Variants in FOCAD observed in about 807,000 individuals in gnomAD.
The protein encoded by FOCAD is KIAA1797.
In FOCAD, 198 loss-of-function variants were observed where a neutral mutation model predicts 225.6. That is an observed-to-expected ratio of 0.88 (90% CI 0.78 to 0.99). The LOEUF is 0.99. Ranked by LOEUF, FOCAD falls within the 50% of genes least tolerant of loss-of-function variation. FOCAD has a pLI of 0.00. For synonymous variants in FOCAD, 897 were observed against 755.0 expected, an observed-to-expected ratio of 1.19 and a Z score of -3.08; for missense variants, 2,713 against 2,123.6, an observed-to-expected ratio of 1.28 and a Z score of -5.46.
intron 11 of FOCAD, among the ~76,000 whole-genome samples, chr9:20,812,531 ACT>A (rs997523044): frequency 1.3e-5 from 2 of 150,990 alleles, no homozygotes; most frequent in African/African-American, 4.9e-5. Context: ...GAATTTTTGT[ACT>A]CTGTTTTTTA....
intron 11 of FOCAD, among the ~76,000 whole-genome samples, chr9:20,800,092 C>G (rs1418727191): frequency 1.3e-5 from 2 of 152,082 alleles, no homozygotes; most frequent in African/African-American, 4.8e-5. Flanking sequence ...GATTTTATTT[C>G]TCCTTTACTT....
chr9:20,930,166 G>C (rs992550328), intron 27 of FOCAD, among the ~76,000 whole-genome samples: 2 of 137,906 alleles, frequency 1.5e-5, no homozygotes, highest in African/African-American at 5.3e-5. Context: ...TGTTCACTTT[G>C]ATTGCTCATT....
At chr9:20,962,172 A>G (rs538295678) in intron 35 of FOCAD, among the ~76,000 whole-genome samples, 2 of 152,188 alleles carry the variant, frequency 1.3e-5, no homozygotes, top group Admixed American at 6.5e-5. Flanking sequence ...ATTAAGTTAG[A>G]TTACTTATGT....
intron 5 of FOCAD, among the ~76,000 whole-genome samples, chr9:20,743,182 C>A (rs1010021249): frequency 6.6e-6 from 1 of 152,162 alleles, no homozygotes; most frequent in African/African-American, 2.4e-5. Context: ...AGAGAGGCAA[C>A]TGATGAGCTG....
intron 27 of FOCAD, among the ~76,000 whole-genome samples, chr9:20,932,433 A>G (rs1349908978): frequency 6.6e-6 from 1 of 152,130 alleles, no homozygotes; most frequent in African/African-American, 2.4e-5. Flanking sequence ...TTTAAGTTTT[A>G]TTTTACTATG....
chr9:20,825,815 A>T (rs1239800180), intron 15 of FOCAD, among the ~76,000 whole-genome samples: 1 of 152,130 alleles, frequency 6.6e-6, no homozygotes, highest in Non-Finnish European at 1.5e-5. Context: ...ATCAAAGATT[A>T]AAAGAGTGGA....
intron 11 of FOCAD, among the ~76,000 whole-genome samples, chr9:20,817,963 A>C (rs1052101723): frequency 1.3e-5 from 2 of 152,196 alleles, no homozygotes; most frequent in African/African-American, 4.8e-5. Flanking sequence ...AATTGATAGA[A>C]TGTTTTCCAA....
Position 20,976,501 on chromosome 9 carries a change from C to T in FOCAD, c.4214C>T (p.Pro1405Leu), listed in dbSNP as rs759268502. ...ATVGESYQYP[P>L]VNWAALLSPL... Reference sequence around the variant, plus strand: ...GTTGGAGAAAGCTACCAATATCCTCCTGTGAACTGGGCTGCACTTCTCTCT... The same window carrying T: ...GTTGGAGAAAGCTACCAATATCCTCTTGTGAACTGGGCTGCACTTCTCTCT... Residue 1405 changes from proline (P) to leucine (L), a missense_variant, in exon 36 of 44, where the codon CCT (proline) becomes CTT (leucine). By Grantham distance (98) the Pro-to-Leu change is moderately conservative. Coordinates refer to ENST00000338382, the MANE Select transcript of FOCAD (RefSeq NM_001375567.1). 2 of 1,613,256 alleles carry T rather than the reference C, an allele frequency of 1.2e-6. No homozygotes were observed. The highest frequency in any genetic ancestry group is 1.3e-5 in the African/African-American group (1 of 74,888).
At chr9:20,710,229 A>ATTTTTTT (rs749860355) in intron 1 of FOCAD, among the ~76,000 whole-genome samples, 9 of 102,286 alleles carry the variant, frequency 8.8e-5, no homozygotes, top group South Asian at 3.5e-4. Flanking sequence ...AGTAGCTGAG[A>ATTTTTTT]TTTTTTTTTT....
intron 15 of FOCAD, among the ~76,000 whole-genome samples, chr9:20,851,739 A>G (rs933424860): frequency 7.9e-5 from 12 of 151,880 alleles, no homozygotes; most frequent in Non-Finnish European, 1.2e-4. Context: ...TTAAAGAAGC[A>G]TTGGTCTAAT....
At chr9:20,711,166 A>T (rs1327659763) in intron 1 of FOCAD, among the ~76,000 whole-genome samples, 3 of 152,198 alleles carry the variant, frequency 2.0e-5, no homozygotes, top group Non-Finnish European at 4.4e-5. Flanking sequence ...GGCTTAACAG[A>T]GATGTGCTAT....
chr9:20,707,319 TAAC>T (rs1247512414), intron 1 of FOCAD, among the ~76,000 whole-genome samples: 1 of 152,218 alleles, frequency 6.6e-6, no homozygotes, highest in African/African-American at 2.4e-5. Flanking sequence ...GAGAATATAA[TAAC>T]TAAAAATTAC....
chr9:20,828,031 G>T (rs545040055), intron 15 of FOCAD, among the ~76,000 whole-genome samples: 4 of 151,790 alleles, frequency 2.6e-5, no homozygotes, highest in Admixed American at 2.6e-4. Flanking sequence ...AATTAGCTGG[G>T]CATGGTGGCA....
chr9:20,885,243 G>A lies in FOCAD; in HGVS notation c.2625+13G>A. Reference sequence around the variant, plus strand: ...TCTTGTACATGAGGTAGGTTCCCGTGTCCTCTTCTTTATGTTTTAGTGTTT... The same window carrying A: ...TCTTGTACATGAGGTAGGTTCCCGTATCCTCTTCTTTATGTTTTAGTGTTT... On this transcript the variant is annotated intron_variant, in intron 21 of 43. Transcript: ENST00000338382. 2 of 1,452,248 alleles carry A rather than the reference G, an allele frequency of 1.4e-6. No individual in the cohort carries two copies. Among genetic ancestry groups the A allele is most frequent in the Non-Finnish European group, 1.8e-6 (2 of 1,099,304 alleles). The allele number at this position is 1,452,248 out of a possible 1,614,324, so 90.0% of individuals were successfully genotyped here. A position where few individuals can be genotyped will look rare whatever the true frequency, so the allele number is the denominator to read the frequency against.
At chr9:20,773,960 G>C (rs1053819613) in intron 8 of FOCAD, among the ~76,000 whole-genome samples, 1 of 152,222 alleles carries the variant, frequency 6.6e-6, no homozygotes, top group Non-Finnish European at 1.5e-5. Context: ...GAGCAGCCCA[G>C]TGAGCCAGCA....
At chr9:20,749,221 G>A (rs1414394096) in intron 5 of FOCAD, among the ~76,000 whole-genome samples, 1 of 152,104 alleles carries the variant, frequency 6.6e-6, no homozygotes, top group Non-Finnish European at 1.5e-5. Flanking sequence ...GGGGAGAATC[G>A]TTGTAATAGG....
chr9:20,665,442 C>T (rs1367271771), intron 2 of FOCAD, among the ~76,000 whole-genome samples: 1 of 152,062 alleles, frequency 6.6e-6, no homozygotes, highest in African/African-American at 2.4e-5. Flanking sequence ...TTATCTCATT[C>T]TATAATAAAA....
rs539515042 is a variant in FOCAD, at chr9:20,658,466, A to G, written c.-214+7A>G. ...GTAGGACTCTCCAAGCCAGGTGCGG[A>G]ATATAATCTCGTGGTGCGCCGTTTT... On this transcript the variant is annotated splice_region_variant and intron_variant, in intron 1 of 45. Coordinates refer to the FOCAD transcript ENST00000380249. The G allele has an allele frequency of 1.6e-4, 25 of 156,556 alleles. No individual in the cohort carries two copies. In the South Asian group the frequency reaches 1.8e-3, roughly 11 times the overall value. 9.7% of individuals were successfully genotyped at this position (156,556 alleles called of 1,614,324 possible).
intron 39 of FOCAD, among the ~76,000 whole-genome samples, chr9:20,984,689 C>T (rs190157074): frequency 6.6e-6 from 1 of 152,286 alleles, no homozygotes; most frequent in East Asian, 1.9e-4. Context: ...ATTCCAGCCT[C>T]ATACAGATAT....
Sources: gnomAD v4.1 joint callset for allele counts (sites outside exome capture counted in the v4.1 genomes callset) on GRCh38, gnomAD v4.1.1 for gene constraint, MANE v1.5 for transcripts, NCBI Gene and HGNC (gene_info 2026-07-23, HGNC 2026-07-21) for gene names.